PPM1L: variants seen among roughly 807,000 people sequenced by gnomAD.
The protein encoded by PPM1L is protein phosphatase, Mg2+/Mn2+ dependent 1L, also known as protein phosphatase 1L.
In PPM1L, 13 loss-of-function variants were observed where a neutral mutation model predicts 31.4. The ratio of observed to expected loss-of-function variants is 0.41; its 90% CI spans 0.27 to 0.66. The LOEUF (loss-of-function observed/expected upper bound fraction) is 0.66, where lower values mean the gene tolerates loss of function less well. Ranked by LOEUF, PPM1L falls within the 30% of genes least tolerant of loss-of-function variation. The pLI is 0.29. For missense variants in PPM1L, 326 were observed against 453.7 expected (o/e 0.72, Z 2.56); for synonymous variants, 184 against 175.4 (o/e 1.05, Z -0.39).
chr3:160,964,274 A>C (rs1205091974), intron 2 of PPM1L, among the ~76,000 whole-genome samples: 1 of 151,730 alleles, frequency 6.6e-6, no homozygotes, highest in East Asian at 1.9e-4. Context: ...CCTATTGTTG[A>C]CCAGAAGCCT....
intron 1 of PPM1L, among the ~76,000 whole-genome samples, chr3:160,904,309 C>G (rs999621680): frequency 6.6e-6 from 1 of 152,076 alleles, no homozygotes; most frequent in South Asian, 2.1e-4. Context: ...CTTTTAAAAG[C>G]ATATATGATG....
intron 1 of PPM1L, among the ~76,000 whole-genome samples, chr3:160,761,556 C>T (rs1444855173): frequency 6.6e-6 from 1 of 152,176 alleles, no homozygotes; most frequent in East Asian, 1.9e-4. Flanking sequence ...AAGAGCCAAA[C>T]GCCTGACCTA....
intron 1 of PPM1L, among the ~76,000 whole-genome samples, chr3:160,826,566 T>C (rs1713361813): frequency 6.6e-6 from 1 of 152,174 alleles, no homozygotes; most frequent in African/African-American, 2.4e-5. Context: ...TCAAAGTCCA[T>C]TTAGATTTAT....
chr3:161,020,715 C>G (rs1307454222), intron 2 of PPM1L, among the ~76,000 whole-genome samples: 1 of 152,142 alleles, frequency 6.6e-6, no homozygotes, highest in African/African-American at 2.4e-5. Flanking sequence ...ATTACTAATT[C>G]AATCTCTATA....
intron 1 of PPM1L, among the ~76,000 whole-genome samples, chr3:160,806,323 A>G (rs976620128): frequency 2.0e-5 from 3 of 152,148 alleles, no homozygotes; most frequent in African/African-American, 7.2e-5. Context: ...TTGGGAAGCC[A>G]TCCCTGACTT....
At chr3:160,789,319 T>C (rs1422312090) in intron 1 of PPM1L, among the ~76,000 whole-genome samples, 2 of 151,964 alleles carry the variant, frequency 1.3e-5, no homozygotes, top group African/African-American at 4.8e-5. Context: ...AATTCCCTTA[T>C]GGTTTATAAT....
chr3:161,032,703 T>C (rs1238856197), intron 2 of PPM1L, among the ~76,000 whole-genome samples: 1 of 151,226 alleles, frequency 6.6e-6, no homozygotes, highest in African/African-American at 2.4e-5. Flanking sequence ...TTTTTTTTTT[T>C]TTTTGAGAGA....
At chr3:160,898,908 A>G (rs1287934492) in intron 1 of PPM1L, among the ~76,000 whole-genome samples, 3 of 152,186 alleles carry the variant, frequency 2.0e-5, no homozygotes, top group South Asian at 4.1e-4. Context: ...GATTATAAGT[A>G]TTGCCAAGTA....
chr3:160,944,752 A>G (rs1298712228), intron 1 of PPM1L, among the ~76,000 whole-genome samples: 2 of 90,790 alleles, frequency 2.2e-5, no homozygotes, highest in South Asian at 2.8e-4. Flanking sequence ...TATATAATAT[A>G]TATGTTATAT....
chr3:161,039,932 ACTT>A (rs1261488310), intron 2 of PPM1L, among the ~76,000 whole-genome samples: 1 of 152,224 alleles, frequency 6.6e-6, no homozygotes, highest in Non-Finnish European at 1.5e-5. Context: ...AATCAAATAA[ACTT>A]CTCCAAATAA....
At chr3:160,868,531 C>T (rs565865779) in intron 1 of PPM1L, among the ~76,000 whole-genome samples, 2 of 152,194 alleles carry the variant, frequency 1.3e-5, no homozygotes, top group Non-Finnish European at 2.9e-5. Flanking sequence ...CAAAGCAGGG[C>T]TGCTTTTCAC....
At chr3:161,028,478 T>C (rs1368988199) in intron 2 of PPM1L, among the ~76,000 whole-genome samples, 2 of 151,994 alleles carry the variant, frequency 1.3e-5, no homozygotes, top group Admixed American at 1.3e-4. Context: ...GGCAGAACCC[T>C]GGGGAACAGG....
intron 1 of PPM1L, among the ~76,000 whole-genome samples, chr3:160,773,480 A>G (rs1314541032): frequency 6.6e-6 from 1 of 152,148 alleles, no homozygotes; most frequent in African/African-American, 2.4e-5. Context: ...GTATGGAGAG[A>G]GGTTGTGCGG....
intron 1 of PPM1L, among the ~76,000 whole-genome samples, chr3:160,798,330 A>G (rs1712321577): frequency 6.6e-6 from 1 of 152,236 alleles, no homozygotes; most frequent in Non-Finnish European, 1.5e-5. Flanking sequence ...GCCATCTAAG[A>G]ATTTCGTAGG....
intron 1 of PPM1L, among the ~76,000 whole-genome samples, chr3:160,834,073 GAGTGC>G (rs1443917465): frequency 1.0e-3 from 150 of 149,272 alleles, no homozygotes; most frequent in Non-Finnish European, 8.9e-4. Context: ...GCCTAGGCTG[GAGTGC>G]AGTGGCACAA....
chr3:160,756,266 G>C lies in PPM1L; in HGVS notation c.-43G>C, dbSNP rs1714800526. On this transcript the variant is annotated 5_prime_UTR_variant, in exon 1 of 4. Transcript: ENST00000498165. This position sits in a 1 kb window ranked among gnomAD's most constrained non-coding sequence, Gnocchi z 6.2. ...TGCTCCCGGACCCGGCGAGCCTTCG[G>C]GGCGCGCGTCGCTGGTGGTGGTTGA... 1 of 1,566,702 alleles carries C rather than the reference G, an allele frequency of 6.4e-7. No individual in the cohort carries two copies. The highest frequency in any genetic ancestry group is 1.3e-5 in the African/African-American group (1 of 74,142).
chr3:161,050,788 G>T (rs199981662), intron 2 of PPM1L, among the ~76,000 whole-genome samples: 2 of 151,982 alleles, frequency 1.3e-5, no homozygotes, highest in African/African-American at 4.8e-5. Context: ...TCATTGTTTT[G>T]CTACTTTAAG....
chr3:160,862,704 A>G (rs1300760760), intron 1 of PPM1L, among the ~76,000 whole-genome samples: 1 of 117,726 alleles, frequency 8.5e-6, no homozygotes, highest in Admixed American at 8.7e-5. Context: ...ACACACACAC[A>G]AAATTCTGAA....
chr3:160,770,777 C>G (rs1715231255), intron 1 of PPM1L, among the ~76,000 whole-genome samples: 1 of 152,200 alleles, frequency 6.6e-6, no homozygotes, highest in Non-Finnish European at 1.5e-5. Flanking sequence ...CCATTTTGCC[C>G]TGGCACTTCT....
Sources: allele counts gnomAD v4.1 joint callset (sites outside exome capture counted in the v4.1 genomes callset), GRCh38; gene constraint gnomAD v4.1.1; non-coding constraint Gnocchi (gnomAD v3.1); transcripts MANE v1.5; gene names NCBI Gene and HGNC (gene_info 2026-07-23, HGNC 2026-07-21).